The following GLIS3 variants were observed in gnomAD, a reference collection of about 807,000 sequenced individuals.
The protein encoded by GLIS3 is GLIS family zinc finger 3, also known as zinc finger protein GLIS3.
GLIS3 carries 53 observed loss-of-function variants against 78.6 expected under a neutral mutation model. The ratio of observed to expected loss-of-function variants is 0.67; its 90% CI spans 0.54 to 0.85. GLIS3 has a LOEUF of 0.85. GLIS3 is among the 40% of genes least tolerant of loss of function. The pLI, the probability that GLIS3 is intolerant of heterozygous loss-of-function variation, is 0.00. For missense variants in GLIS3, 1,703 were observed against 1,231.1 expected, an observed-to-expected ratio of 1.38 and a Z score of -5.74; for synonymous variants, 684 against 509.9, an observed-to-expected ratio of 1.34 and a Z score of -4.60.
intron 2 of GLIS3, among the ~76,000 whole-genome samples, chr9:4,260,063 C>A (rs551627629): frequency 7.0e-6 from 1 of 143,224 alleles, no homozygotes; most frequent in Non-Finnish European, 1.6e-5. Flanking sequence ...ATAGAAGGAA[C>A]GATAGTGACC....
chr9:4,089,002 C>T (rs954938930), intron 4 of GLIS3, among the ~76,000 whole-genome samples: 4 of 152,212 alleles, frequency 2.6e-5, no homozygotes. Context: ...CATCTATATC[C>T]ATGAGCTGTG....
intron 2 of GLIS3, among the ~76,000 whole-genome samples, chr9:4,280,369 A>C (rs1173480835): frequency 6.6e-6 from 1 of 152,168 alleles, no homozygotes; most frequent in Admixed American, 6.5e-5. Flanking sequence ...CTTTGTATGA[A>C]AATTAACTTT....
intron 2 of GLIS3, among the ~76,000 whole-genome samples, chr9:4,258,380 A>T (rs1825181230): frequency 6.6e-6 from 1 of 152,198 alleles, no homozygotes; most frequent in Non-Finnish European, 1.5e-5. Context: ...AAGGTAATTT[A>T]GGTCATATTG....
the GLIS3 span, among the ~76,000 whole-genome samples, chr9:4,455,226 T>C: frequency 6.6e-6 from 1 of 152,236 alleles, no homozygotes; most frequent in Admixed American, 6.5e-5. Context: ...TTTGGATTGA[T>C]TTATATTTAA....
chr9:4,443,870 G>C, the GLIS3 span, among the ~76,000 whole-genome samples: 2 of 152,194 alleles, frequency 1.3e-5, no homozygotes, highest in Non-Finnish European at 1.5e-5. Flanking sequence ...TTGGCTCAAA[G>C]AAGTCAAAAT....
intron 1 of GLIS3, among the ~76,000 whole-genome samples, chr9:4,292,637 C>G (rs569935620): frequency 2.5e-4 from 38 of 152,310 alleles, no homozygotes; most frequent in Non-Finnish European, 4.7e-4. Context: ...CTATCTTTCA[C>G]TGTGCAGTAA....
At chr9:3,853,695 A>C (rs554073850) in intron 9 of GLIS3, among the ~76,000 whole-genome samples, 5 of 152,326 alleles carry the variant, frequency 3.3e-5, no homozygotes, top group African/African-American at 1.2e-4. Context: ...TAGTGTTTGC[A>C]TTCAAATTGG....
At chr9:3,940,376 T>G (rs1159943409) in intron 4 of GLIS3, among the ~76,000 whole-genome samples, 1 of 152,174 alleles carries the variant, frequency 6.6e-6, no homozygotes, top group Non-Finnish European at 1.5e-5. Flanking sequence ...AGTGTTTCCT[T>G]GGGTTTGGCC....
At chr9:3,862,467 G>A (rs1395962965) in intron 8 of GLIS3, among the ~76,000 whole-genome samples, 3 of 152,098 alleles carry the variant, frequency 2.0e-5, no homozygotes, top group Non-Finnish European at 4.4e-5. Flanking sequence ...CTTCTTTCGG[G>A]TAGGGCTCTT....
At chr9:3,899,303 T>TA (rs541872154) in intron 6 of GLIS3, among the ~76,000 whole-genome samples, 231 of 152,280 alleles carry the variant, frequency 1.5e-3, no homozygotes, top group Middle Eastern at 0.01. Context: ...ATACTCAAGT[T>TA]AAATTTTAAT....
chr9:3,941,496 G>A (rs1022325762), intron 4 of GLIS3, among the ~76,000 whole-genome samples: 1 of 152,138 alleles, frequency 6.6e-6, no homozygotes, highest in South Asian at 2.1e-4. Context: ...CCAGGCAGAT[G>A]TCTGGTTCTG....
At chr9:4,389,181 T>C in the GLIS3 span, among the ~76,000 whole-genome samples, 1 of 152,216 alleles carries the variant, frequency 6.6e-6, no homozygotes, top group Admixed American at 6.5e-5. Flanking sequence ...TATTAGAGGC[T>C]AAGAGCAATT....
chr9:4,285,938 C>A, intron 2 of GLIS3, 100 bp downstream of exon 2: 1 of 1,400,372 alleles, frequency 7.1e-7, no homozygotes, highest in Non-Finnish European at 1.0e-6. Context: ...GACCCTGACA[C>A]TGAATCATGT....
chr9:3,852,767 C>G (rs1819515293), intron 9 of GLIS3, among the ~76,000 whole-genome samples: 1 of 152,192 alleles, frequency 6.6e-6, no homozygotes, highest in Non-Finnish European at 1.5e-5. Flanking sequence ...GGGGCACGCC[C>G]TTTGCAACCT....
At chr9:4,007,168 GT>G (rs1821614995) in intron 4 of GLIS3, among the ~76,000 whole-genome samples, 1 of 152,194 alleles carries the variant, frequency 6.6e-6, no homozygotes, top group South Asian at 2.1e-4. Flanking sequence ...CAGGGTCACA[GT>G]GCTTGGTTCA....
chr9:4,184,120 G>C (rs1348141993), intron 2 of GLIS3, among the ~76,000 whole-genome samples: 1 of 152,048 alleles, frequency 6.6e-6, no homozygotes, highest in Non-Finnish European at 1.5e-5. Context: ...CAATTAAAAG[G>C]AAATAATATT....
chr9:4,138,525 G>A (rs1303746021), intron 2 of GLIS3, among the ~76,000 whole-genome samples: 1 of 152,208 alleles, frequency 6.6e-6, no homozygotes, highest in Non-Finnish European at 1.5e-5. Flanking sequence ...TTAATGGCAG[G>A]AGGAGAGGGG....
At chr9:4,357,370 CCTCT>C in the GLIS3 span, among the ~76,000 whole-genome samples, 1 of 152,134 alleles carries the variant, frequency 6.6e-6, no homozygotes, top group African/African-American at 2.4e-5. Flanking sequence ...GGAAGAATCC[CCTCT>C]CTGACTGTTT....
chr9:4,153,285 T>A (rs187552518), intron 2 of GLIS3, among the ~76,000 whole-genome samples: 1 of 152,308 alleles, frequency 6.6e-6, no homozygotes, highest in East Asian at 1.9e-4. Context: ...AATTGTGGGC[T>A]GTGCATGGTG....
Sources: allele counts gnomAD v4.1 joint callset (sites outside exome capture counted in the v4.1 genomes callset), GRCh38; gene constraint gnomAD v4.1.1; transcripts MANE v1.5; gene names NCBI Gene and HGNC (gene_info 2026-07-23, HGNC 2026-07-21).